MICA: variants seen among roughly 807,000 people sequenced by gnomAD.
MICA encodes HLA class I antigen.
MICA carries 18 observed loss-of-function variants against 34.3 expected under a neutral mutation model. The observed-to-expected ratio is 0.52, with a 90% CI of 0.36 to 0.78. The LOEUF is 0.78. Ranked by LOEUF, MICA falls within the 30% of genes least tolerant of loss-of-function variation. The pLI, the probability that MICA is intolerant of heterozygous loss-of-function variation, is 0.00. For synonymous variants in MICA, 135 were observed against 156.9 expected (o/e 0.86, Z 1.04); for missense variants, 333 against 409.4 (o/e 0.81, Z 1.61).
intron 1 of MICA, among the ~76,000 whole-genome samples, chr6:31,406,445 T>C (rs1770755423): frequency 6.6e-6 from 1 of 151,930 alleles, no homozygotes; most frequent in Admixed American, 6.6e-5. Flanking sequence ...CCTTATATGT[T>C]TCAGTTACTG....
chr6:31,414,326 G>A lies in MICA; in HGVS notation c.*30-686G>A, dbSNP rs149854653. 2.3e-3 allele frequency among the ~76,000 whole-genome samples: 353 copies of A among 152,192 alleles called. 5 individuals carry two copies. The highest frequency in any genetic ancestry group is 6.7e-3 in the African/African-American group (278 of 41,480). On this transcript the variant is annotated intron_variant, in intron 5 of 5. Transcript: ENST00000449934. Reference sequence around the variant, plus strand: ...AGCAGCAGCCCTGGGGTGGAGCTGCGTTTCCAGGGTTAAGCGGACCAGGCA... The same window carrying A: ...AGCAGCAGCCCTGGGGTGGAGCTGCATTTCCAGGGTTAAGCGGACCAGGCA...
In MICA at chr6:31,403,617, T is replaced by G. The variant is rs1382286588; in HGVS notation, c.-16T>G. 2.0e-6 allele frequency: 3 copies of G among 1,500,956 alleles called. No individual in the cohort carries two copies. Among genetic ancestry groups the G allele is most frequent in the African/African-American group, 1.5e-5 (1 of 68,706 alleles). 93.0% of individuals were successfully genotyped at this position (1,500,956 alleles called of 1,614,324 possible). ...GCCACTGCTTGAGCCGCTGAGAGGG[T>G]GGCGACGTCGGGGCCATGGGGCTGG... is the stretch of plus-strand genomic sequence containing the variant. On this transcript the variant is annotated 5_prime_UTR_variant, in exon 1 of 6. Coordinates refer to ENST00000449934, the MANE Select transcript of MICA (RefSeq NM_001177519.3). This position sits in a 1 kb window ranked among gnomAD's most constrained non-coding sequence, Gnocchi z 4.7.
At chr6:31,403,541 CG>C (rs1770559129), upstream of MICA, 1 of 1,028,800 alleles carries the variant, frequency 9.7e-7, no homozygotes, top group South Asian at 1.9e-5. The surrounding 1 kb of genome is among the most constrained non-coding windows in gnomAD (Gnocchi z 4.7). Context: ...ATTGGATGAG[CG>C]GTCGGGGGAC....
chr6:31,412,004 C>T lies in MICA; in HGVS notation c.671C>T (p.Thr224Ile), dbSNP rs1430182925. 2 of 1,612,778 alleles carry T rather than the reference C, an allele frequency of 1.2e-6. No homozygotes were observed. The highest frequency in any genetic ancestry group is 1.7e-5 in the Admixed American group (1 of 59,596). Residue 224 changes from threonine to isoleucine, a missense_variant, in exon 4 of 6, where the codon ACA (threonine) becomes ATA (isoleucine). By Grantham distance (89) the Thr-to-Ile change is moderately conservative. Transcript: ENST00000449934. The part of the protein sequence containing the change: ...SEASEGNITV[T>I]CRASSFYPRN... ...GCCTCAGAGGGCAACATCACCGTGA[C>T]ATGCAGGGCTTCCAGCTTCTATCCC...
In MICA at chr6:31,415,314, A is replaced by C; in HGVS notation, c.*332A>C. 2.3e-6 allele frequency: 1 copy of C among 431,024 alleles called. No individual in the cohort carries two copies. Among genetic ancestry groups the C allele is most frequent in the Non-Finnish European group, 4.2e-6 (1 of 240,186 alleles). 26.7% of individuals were successfully genotyped at this position (431,024 alleles called of 1,614,324 possible). On this transcript the variant is annotated 3_prime_UTR_variant, in exon 6 of 6. Coordinates refer to ENST00000449934, the MANE Select transcript of MICA (RefSeq NM_001177519.3). ...GAGGCATTTGCAGCTGTGCCATATTAATTGGTGTCATTGTTTTTGTTGTTT... is the reference window on the plus strand; with the variant it reads ...GAGGCATTTGCAGCTGTGCCATATTCATTGGTGTCATTGTTTTTGTTGTTT...
chr6:31,403,590 C>G (rs1770564844), upstream of MICA: 8 of 1,443,098 alleles, frequency 5.5e-6, no homozygotes, highest in Non-Finnish European at 7.3e-6. The surrounding 1 kb of genome is among the most constrained non-coding windows in gnomAD (Gnocchi z 4.7). Flanking sequence ...GCCTTCTCCC[C>G]GGCCACTGCT....
chr6:31,407,794 C>T (rs1434041790), intron 1 of MICA, among the ~76,000 whole-genome samples: 2 of 151,882 alleles, frequency 1.3e-5, no homozygotes, highest in African/African-American at 4.8e-5. Flanking sequence ...GATCTGCAAA[C>T]AAGGATAATT....
intron 1 of MICA, among the ~76,000 whole-genome samples, chr6:31,407,083 G>A (rs1345292191): frequency 1.3e-5 from 2 of 151,720 alleles, no homozygotes; most frequent in African/African-American, 4.9e-5. Flanking sequence ...TATTATTTCT[G>A]TGAAGAATGT....
intron 1 of MICA, among the ~76,000 whole-genome samples, chr6:31,410,028 A>G (rs1771003919): frequency 6.6e-6 from 1 of 151,034 alleles, no homozygotes; most frequent in Non-Finnish European, 1.5e-5. Context: ...TGGGGCTACA[A>G]CCTTCCTACC....
intron 1 of MICA, among the ~76,000 whole-genome samples, chr6:31,408,929 C>T (rs535818742): frequency 5.3e-5 from 8 of 151,416 alleles, no homozygotes; most frequent in South Asian, 4.2e-4. Flanking sequence ...CGCTTGAATC[C>T]GGGAAGTGGA....
Position 31,411,340 on chromosome 6 carries a change from C to T in MICA, c.594C>T (p.Gly198=), listed in dbSNP as rs760491015. The change falls in exon 3 of 6, where the codon GGC becomes GGT. Residue 198 remains glycine, a synonymous_variant. Coordinates refer to ENST00000449934, the MANE Select transcript of MICA (RefSeq NM_001177519.3). This position sits in a 1 kb window ranked among gnomAD's most constrained non-coding sequence, Gnocchi z 4.3. Reference sequence around the variant, plus strand: ...AACTACGGCGATATCTAGAATCCGGCGTAGTCCTGAGGAGAACAGGTACCG... The same window carrying T: ...AACTACGGCGATATCTAGAATCCGGTGTAGTCCTGAGGAGAACAGGTACCG... ...LQELRRYLES[G]VVLRRTVPPM... The T allele has an allele frequency of 8.9e-6, 14 of 1,572,364 alleles. No homozygotes were observed. Among genetic ancestry groups the T allele is most frequent in the East Asian group, 4.7e-5 (2 of 42,190 alleles).
intron 1 of MICA, among the ~76,000 whole-genome samples, chr6:31,404,629 C>G (rs1381299095): frequency 6.6e-6 from 1 of 151,914 alleles, no homozygotes; most frequent in Non-Finnish European, 1.5e-5. Flanking sequence ...TCCCAAATGT[C>G]CCTGACTCTA....
chr6:31,415,261 T>A lies in MICA; in HGVS notation c.*279T>A. On this transcript the variant is annotated 3_prime_UTR_variant, in exon 6 of 6. Coordinates refer to ENST00000449934, the MANE Select transcript of MICA (RefSeq NM_001177519.3). ...AAATAAAAGCACTTATTTATTGTTG[T>A]TGGAGGCTGCAAAATGTTAGTAGAT... 1 of 546,650 alleles carries A rather than the reference T, an allele frequency of 1.8e-6. No individual in the cohort carries two copies. The highest frequency in any genetic ancestry group is 3.3e-6 in the Non-Finnish European group (1 of 301,408). 33.9% of individuals were successfully genotyped at this position (546,650 alleles called of 1,614,324 possible).
upstream of MICA, among the ~76,000 whole-genome samples, chr6:31,401,660 T>TAA (rs9279197): frequency 0.11 from 16,620 of 144,980 alleles, 1,223 homozygotes; most frequent in Non-Finnish European, 0.16. Flanking sequence ...ACTCCTCTCT[T>TAA]AAAAAAAAAA....
rs539007016 is a variant in MICA, at chr6:31,411,359, G to C, written c.613G>C (p.Val205Leu). 1 of 1,558,346 alleles carries C rather than the reference G, an allele frequency of 6.4e-7. No individual in the cohort carries two copies. Among genetic ancestry groups the C allele is most frequent in the South Asian group, 1.2e-5 (1 of 84,582 alleles). Residue 205 changes from valine (V) to leucine (L), a missense_variant and splice_region_variant, in exon 3 of 6, where the codon GTG becomes CTG. Transcript: ENST00000449934. This position sits in a 1 kb window ranked among gnomAD's most constrained non-coding sequence, Gnocchi z 4.3. ...LESGVVLRRT[V>L]PPMVNVTRSE... ...ATCCGGCGTAGTCCTGAGGAGAACAGGTACCGACGCTGGCCAGGGGCTCTC... is the reference window on the plus strand; with the variant it reads ...ATCCGGCGTAGTCCTGAGGAGAACACGTACCGACGCTGGCCAGGGGCTCTC...
chr6:31,412,488 T>C, intron 5 of MICA, 28 bp downstream of exon 5: 2 of 1,425,622 alleles, frequency 1.4e-6, no homozygotes, highest in East Asian at 2.4e-5. Flanking sequence ...TTTCTGGAGA[T>C]GGTAAGGCCC....
In MICA at chr6:31,403,660, C is replaced by A; in HGVS notation, c.28C>A (p.Leu10Met). The change falls in exon 1 of 6, where the codon CTG becomes ATG. Residue 10 changes from leucine to methionine, a missense_variant. Leu to Met is a conservative substitution (Grantham distance 15). Coordinates refer to ENST00000449934, the MANE Select transcript of MICA (RefSeq NM_001177519.3). This position sits in a 1 kb window ranked among gnomAD's most constrained non-coding sequence, Gnocchi z 4.7. ...GGGGCTGGGCCCGGTCTTTCTGCTT[C>A]TGGCTGGCATCTTCCCTTTTGCACC... MGLGPVFLL[L>M]AGIFPFAPPG... The A allele has an allele frequency of 6.5e-7, 1 of 1,531,960 alleles. No individual in the cohort carries two copies. The highest frequency in any genetic ancestry group is 8.8e-7 in the Non-Finnish European group (1 of 1,139,810). The allele number at this position is 1,531,960 out of a possible 1,614,324, so 94.9% of individuals were successfully genotyped here.
chr6:31,409,301 A>G (rs1242671656), intron 1 of MICA, among the ~76,000 whole-genome samples: 2 of 117,738 alleles, frequency 1.7e-5, no homozygotes, highest in Non-Finnish European at 3.8e-5. Context: ...CTCTTTGCCA[A>G]CCTTGCTCTG....
At chr6:31,404,060 C>G (rs1185856526) in intron 1 of MICA, among the ~76,000 whole-genome samples, 1 of 151,836 alleles carries the variant, frequency 6.6e-6, no homozygotes, top group African/African-American at 2.4e-5. Context: ...CCTTCCAGCG[C>G]GGCCACTGAA....
Sources: gnomAD v4.1 joint callset for allele counts (sites outside exome capture counted in the v4.1 genomes callset) on GRCh38, gnomAD v4.1.1 for gene constraint, Gnocchi (gnomAD v3.1) non-coding constraint, MANE v1.5 for transcripts, NCBI Gene and HGNC (gene_info 2026-07-23, HGNC 2026-07-21) for gene names.